BAHCC1: variants seen among roughly 807,000 people sequenced by gnomAD.
BAHCC1 encodes the protein BAH and coiled-coil domain-containing protein 1.
Under a neutral mutation model 88.2 loss-of-function variants are expected in BAHCC1, and 43 were observed. That is an observed-to-expected ratio of 0.49 (90% CI 0.38 to 0.63). BAHCC1 has a LOEUF of 0.63. Ranked by LOEUF, BAHCC1 falls within the 20% of genes least tolerant of loss-of-function variation. The pLI is 0.00. For missense variants in BAHCC1, 3,023 were observed against 1,654.8 expected, an observed-to-expected ratio of 1.83 and a Z score of -14.34; for synonymous variants, 1,510 against 745.5, an observed-to-expected ratio of 2.03 and a Z score of -16.71.
intron 1 of BAHCC1, chr17:81,396,463 ACT>A (rs1425386511): frequency 6.7e-6 from 1 of 150,322 alleles, no homozygotes; most frequent in African/African-American, 2.5e-5. Context: ...AGTTCTCATG[ACT>A]CTCCCAGGGA....
At position 81,435,645 on chromosome 17, in the gene BAHCC1, G is replaced by T. The variant is rs1315301911; in HGVS notation, c.359-2725G>T. On this transcript the variant is annotated intron_variant, in intron 3 of 27. Transcript: ENST00000675386. This position sits in a 1 kb window ranked among gnomAD's most constrained non-coding sequence, Gnocchi z 4.4. Reference sequence around the variant, plus strand: ...GGTTCATATGGCCCCAGACCCTGCTGGCTGAGCCCTCTTGGTCTCTGGCCC... The same window carrying T: ...GGTTCATATGGCCCCAGACCCTGCTTGCTGAGCCCTCTTGGTCTCTGGCCC... Among the ~76,000 whole-genome samples the T allele has an allele frequency of 6.6e-6, 1 of 152,126 alleles. No individual in the cohort carries two copies. Among genetic ancestry groups the T allele is most frequent in the Non-Finnish European group, 1.5e-5 (1 of 68,006 alleles).
chr17:81,404,656 GTT>G (rs1203290622), intron 2 of BAHCC1, among the ~76,000 whole-genome samples: 1 of 152,230 alleles, frequency 6.6e-6, no homozygotes, highest in Non-Finnish European at 1.5e-5. Context: ...CTTTAAGAGT[GTT>G]TTAACAATCA....
chr17:81,427,146 G>A (rs36188854), intron 3 of BAHCC1, among the ~76,000 whole-genome samples, 167 bp downstream of exon 3: 10 of 152,262 alleles, frequency 6.6e-5, no homozygotes, highest in South Asian at 2.1e-4. Context: ...AGGAAGCCCC[G>A]GGGGAAGTGG....
intron 2 of BAHCC1, chr17:81,415,642 CCTT>C (rs1415667227): frequency 2.1e-6 from 1 of 484,822 alleles, no homozygotes. Flanking sequence ...GGCACCTGGT[CCTT>C]CTTAGCACCA....
intron 18 of BAHCC1, 59 bp downstream of exon 18, chr17:81,458,525 T>TCCCCGCCCTC (rs1430602438): frequency 8.0e-5 from 43 of 540,042 alleles, no homozygotes; most frequent in Middle Eastern, 4.5e-4. Context: ...GGAAAGGCCT[T>TCCCCGCCCTC]CCCCGCCCTC....
chr17:81,448,858 G>A (rs143551360), intron 11 of BAHCC1, among the ~76,000 whole-genome samples: 124 of 151,918 alleles, frequency 8.2e-4, no homozygotes, highest in Middle Eastern at 3.4e-3. Flanking sequence ...GTCCTACCAG[G>A]GTGGGCTCCA....
rs71166140 is a variant in BAHCC1 at position 81,418,773 on chromosome 17, GTA to G, written c.179-8026_179-8025del. Among the ~76,000 whole-genome samples, 90 of 94,510 alleles carry G rather than the reference GTA, an allele frequency of 9.5e-4. 1 individual carries two copies. Among genetic ancestry groups the G allele is most frequent in the Middle Eastern group, 0.011 (2 of 176 alleles). The allele number at this position is 94,510 out of a possible 152,430, so 62.0% of individuals were successfully genotyped here. On this transcript the variant is annotated intron_variant, in intron 2 of 27. Transcript: ENST00000675386. ...CAGACGTGTGTGTGTGTACGTGTGT[GTA>G]CGTGTGTGTGTACGTGTGTGCGTGT...
intron 2 of BAHCC1, chr17:81,402,668 C>G (rs1389300841): frequency 6.6e-6 from 1 of 152,268 alleles, no homozygotes; most frequent in Non-Finnish European, 1.5e-5. Flanking sequence ...GAGGCCCTGG[C>G]CTCCATGAGG....
chr17:81,417,295 C>T (rs2143319544), intron 2 of BAHCC1, among the ~76,000 whole-genome samples: 1 of 152,260 alleles, frequency 6.6e-6, no homozygotes, highest in East Asian at 1.9e-4. Flanking sequence ...TGGCGCTGAC[C>T]ACCCTGGTTG....
At chr17:81,456,114 G>T in intron 15 of BAHCC1, 183 bp from the exon 16 acceptor site, 1 of 555,436 alleles carries the variant, frequency 1.8e-6, no homozygotes. Flanking sequence ...AGGCCGCAGC[G>T]TAGGCTCCAG....
intron 3 of BAHCC1, among the ~76,000 whole-genome samples, chr17:81,433,806 G>A (rs954820567): frequency 1.8e-4 from 27 of 152,206 alleles, no homozygotes; most frequent in African/African-American, 6.5e-4. Context: ...TTTGTGTGCC[G>A]CATGCGGACA....
chr17:81,408,218 T>C (rs1173891500), intron 2 of BAHCC1, among the ~76,000 whole-genome samples: 3 of 152,188 alleles, frequency 2.0e-5, no homozygotes, highest in African/African-American at 7.2e-5. Context: ...GCGTGGCGAA[T>C]GCCTCGGGGC....
chr17:81,422,416 G>A (rs1380171428), intron 2 of BAHCC1, among the ~76,000 whole-genome samples: 4 of 152,240 alleles, frequency 2.6e-5, no homozygotes, highest in Non-Finnish European at 5.9e-5. Context: ...AGAATGAAAG[G>A]GAAAAAGAAG....
In BAHCC1 at chr17:81,444,400, G is replaced by C; in HGVS notation, c.2344G>C (p.Glu782Gln). 1.3e-6 allele frequency: 1 copy of C among 746,072 alleles called. No individual in the cohort carries two copies. The highest frequency in any genetic ancestry group is 2.5e-6 in the Non-Finnish European group (1 of 402,572). 46.2% of individuals were successfully genotyped at this position (746,072 alleles called of 1,614,324 possible). ...TTACAGGGACAGCAAAGACCGCGTA[G>C]AGTTCGCCCGGATCCACCCACCGAG... is the stretch of plus-strand genomic sequence containing the variant. ...LLLQDSKDRVEFARIHPPSSC... is the reference protein window; with the variant it reads ...LLLQDSKDRVQFARIHPPSSC... The change falls in exon 7 of 28, where the codon GAG becomes CAG. Residue 782 changes from glutamate (E) to glutamine (Q), a missense_variant. Coordinates refer to ENST00000675386, the MANE Select transcript of BAHCC1 (RefSeq NM_001377448.1).
At chr17:81,401,367 C>T (rs1024843086) in intron 2 of BAHCC1, 15 of 152,722 alleles carry the variant, frequency 9.8e-5, no homozygotes, top group African/African-American at 3.4e-4. Context: ...CCTTTTCTCT[C>T]TGTTGCCCTT....
Position 81,451,585 on chromosome 17 carries a change from AG to A in BAHCC1, c.3977-78del. 7 of 650,826 alleles carry A rather than the reference AG, an allele frequency of 1.1e-5. No homozygotes were observed. In the Admixed American group the frequency reaches 1.3e-4, roughly 12 times the overall value. The allele number at this position is 650,826 out of a possible 1,614,324, so 40.3% of individuals were successfully genotyped here. A position where few individuals can be genotyped will look rare whatever the true frequency, so the allele number is the denominator to read the frequency against. On this transcript the variant is annotated intron_variant, in intron 11 of 27. Transcript: ENST00000675386. ...CCGGTCTTCAAGGCTGGGTGGCTTC[AG>A]GGGGCCAGGGCTGACATCAAGAGCC...
Position 81,399,856 on chromosome 17 carries a change from C to A in BAHCC1, c.117C>A (p.Pro39=). The part of the protein sequence containing the change: ...RLAPAGPAAQ[P]PAHFQPGKYF... Reference sequence around the variant, plus strand: ...CCCCGGCTGGGCCCGCCGCGCAGCCCCCCGCACACTTCCAGCCGGGAAAGT... The same window carrying A: ...CCCCGGCTGGGCCCGCCGCGCAGCCACCCGCACACTTCCAGCCGGGAAAGT... The change falls in exon 2 of 28, where the codon CCC becomes CCA. Residue 39 remains proline, a synonymous_variant. Coordinates refer to ENST00000675386, the MANE Select transcript of BAHCC1 (RefSeq NM_001377448.1). This position sits in a 1 kb window ranked among gnomAD's most constrained non-coding sequence, Gnocchi z 4.5. The A allele has an allele frequency of 6.9e-7, 1 of 1,443,616 alleles. No individual in the cohort carries two copies. The allele number at this position is 1,443,616 out of a possible 1,614,324, so 89.4% of individuals were successfully genotyped here.
At chr17:81,402,267 C>T (rs1379127395) in intron 2 of BAHCC1, 2 of 152,216 alleles carry the variant, frequency 1.3e-5, no homozygotes, top group African/African-American at 4.8e-5. Flanking sequence ...CTTGGTCATG[C>T]AGACATCCAG....
chr17:81,417,669 C>T (rs2064052779), intron 2 of BAHCC1, among the ~76,000 whole-genome samples: 1 of 151,636 alleles, frequency 6.6e-6, no homozygotes, highest in Non-Finnish European at 1.5e-5. Flanking sequence ...TGAGCCCATC[C>T]TGTCATCATC....
Sources: gnomAD v4.1 joint callset for allele counts (sites outside exome capture counted in the v4.1 genomes callset) on GRCh38, gnomAD v4.1.1 for gene constraint, Gnocchi (gnomAD v3.1) non-coding constraint, MANE v1.5 for transcripts, NCBI Gene and HGNC (gene_info 2026-07-23, HGNC 2026-07-21) for gene names.